The following NCAM1 variants were observed in gnomAD, a reference collection of about 807,000 sequenced individuals.
NCAM1 encodes the protein antigen recognized by monoclonal antibody 5.1H11.
NCAM1 carries 14 observed loss-of-function variants against 109.8 expected under a neutral mutation model. The ratio of observed to expected loss-of-function variants is 0.13; its 90% CI spans 0.08 to 0.20. The LOEUF (loss-of-function observed/expected upper bound fraction) is 0.20. NCAM1 is among the 10% of genes least tolerant of loss of function. The pLI is 1.00. For synonymous variants in NCAM1, 418 were observed against 442.9 expected (o/e 0.94, Z 0.70); for missense variants, 774 against 1,109.9 (o/e 0.70, Z 4.30).
At chr11:113,073,124 G>C (rs782404081) in intron 1 of NCAM1, among the ~76,000 whole-genome samples, 2 of 152,138 alleles carry the variant, frequency 1.3e-5, no homozygotes, top group Non-Finnish European at 2.9e-5. Flanking sequence ...TTTTGTGACT[G>C]ATTTATTTCA....
In NCAM1 at chr11:113,255,950, G is replaced by A; in HGVS notation, c.1902G>A (p.Lys634=). The part of the protein sequence containing the change: ...DGNSIKVNLI[K]QDDGGSPIRH... ...ACTCTATTAAAGTGAACCTGATCAAGCAGGATGACGGCGGCTCCCCCATCA... is the reference window on the plus strand; with the variant it reads ...ACTCTATTAAAGTGAACCTGATCAAACAGGATGACGGCGGCTCCCCCATCA... The change falls in exon 16 of 20, where the codon AAG becomes AAA. Residue 634 remains lysine, a synonymous_variant. Transcript: ENST00000316851. The A allele has an allele frequency of 6.2e-7, 1 of 1,608,368 alleles. No homozygotes were observed. Among genetic ancestry groups the A allele is most frequent in the South Asian group, 1.1e-5 (1 of 89,782 alleles).
At position 113,102,288 on chromosome 11, in the gene NCAM1, G is replaced by A. The variant is rs797023915; in HGVS notation, c.53-100091G>A. Among the ~76,000 whole-genome samples the A allele has an allele frequency of 6.6e-5, 10 of 152,144 alleles. No individual in the cohort carries two copies. In the South Asian group the frequency reaches 1.9e-3, roughly 28 times the overall value. On this transcript the variant is annotated intron_variant, in intron 1 of 19. Transcript: ENST00000316851. ...AAAAAATGGAGGTTATAATCCACAG[G>A]AGGACACACCTGTGCACAAATGCTT...
intron 17 of NCAM1, among the ~76,000 whole-genome samples, chr11:113,267,490 G>C (rs1555124554): frequency 6.6e-6 from 1 of 151,760 alleles, no homozygotes; most frequent in Non-Finnish European, 1.5e-5. Flanking sequence ...GAGGCCTGCA[G>C]GACAACAGAG....
intron 14 of NCAM1, chr11:113,236,301 A>G: frequency 1.9e-6 from 3 of 1,613,590 alleles, no homozygotes; most frequent in Middle Eastern, 1.6e-4. Flanking sequence ...GGAAATGCAG[A>G]TAGCCCTCCT....
intron 1 of NCAM1, among the ~76,000 whole-genome samples, chr11:113,171,019 G>T (rs1387392231): frequency 1.3e-5 from 2 of 152,150 alleles, no homozygotes; most frequent in African/African-American, 4.8e-5. Context: ...GGAAGTGCAG[G>T]GTTCAAGAGG....
At chr11:112,986,468 G>A (rs186481917) in intron 1 of NCAM1, among the ~76,000 whole-genome samples, 1 of 151,966 alleles carries the variant, frequency 6.6e-6, no homozygotes, top group African/African-American at 2.4e-5. Flanking sequence ...CTTTTTGGAA[G>A]AGTTTGAGAA....
chr11:113,180,246 C>T (rs1943290924), intron 1 of NCAM1, among the ~76,000 whole-genome samples: 1 of 152,156 alleles, frequency 6.6e-6, no homozygotes, highest in Non-Finnish European at 1.5e-5. Context: ...TGAGATATAG[C>T]CCCTGTCTGG....
Position 113,070,158 on chromosome 11 carries a change from C to T in NCAM1, c.52+108494C>T, listed in dbSNP as rs1938193883. 2.6e-5 allele frequency among the ~76,000 whole-genome samples: 4 copies of T among 152,224 alleles called. 1 individual carries two copies. The South Asian group carries it at 8.3e-4, about 32-fold the overall frequency. ...GCCTAGTGTCATTGCACGTTGATTC[C>T]TTCTCAGTCTTAAGAGCATCCTGGC... On this transcript the variant is annotated intron_variant, in intron 1 of 19. Transcript: ENST00000316851.
intron 1 of NCAM1, among the ~76,000 whole-genome samples, chr11:113,092,665 C>CT (rs1364607074): frequency 6.6e-6 from 1 of 152,112 alleles, no homozygotes; most frequent in Admixed American, 6.5e-5. Flanking sequence ...ATCTGATCAT[C>CT]TTTTTTCCAT....
chr11:113,253,009 C>G (rs533664145), intron 15 of NCAM1, among the ~76,000 whole-genome samples: 110 of 151,948 alleles, frequency 7.2e-4, no homozygotes, highest in African/African-American at 2.5e-3. Context: ...ACACACATAT[C>G]AGAGTACTGT....
intron 1 of NCAM1, among the ~76,000 whole-genome samples, chr11:113,141,402 T>A (rs565213215): frequency 2.6e-5 from 4 of 152,174 alleles, no homozygotes; most frequent in African/African-American, 7.2e-5. Flanking sequence ...GAGGCCGAGG[T>A]GGGCAGATCA....
In NCAM1 at chr11:113,260,201, T is replaced by C. The variant is rs782701226; in HGVS notation, c.2009T>C (p.Met670Thr). 6 of 1,613,866 alleles carry C rather than the reference T, an allele frequency of 3.7e-6. No homozygotes were observed. Among genetic ancestry groups the C allele is most frequent in the African/African-American group, 1.3e-5 (1 of 74,920 alleles). Residue 670 changes from methionine to threonine, a missense_variant, in exon 17 of 20, where the codon ATG (methionine) becomes ACG (threonine). Met to Thr is a moderately conservative substitution (Grantham distance 81). Coordinates refer to ENST00000316851, the MANE Select transcript of NCAM1 (RefSeq NM_181351.5). ...CTCCCGTCTGGCAGTGACCACGTCA[T>C]GCTGAAGTCCCTGGACTGGAATGCT... ...IRLPSGSDHV[M>T]LKSLDWNAEY...
At chr11:113,009,313 T>TTTTTTTGTTGTTG (rs1491179749) in intron 1 of NCAM1, among the ~76,000 whole-genome samples, 1,630 of 67,484 alleles carry the variant, frequency 0.024, 166 homozygotes, top group South Asian at 0.057. Flanking sequence ...TTTTTTCGGG[T>TTTTTTTGTTGTTG]TTTTTTTTTT....
chr11:112,966,106 TATAAC>T (rs1399898994), intron 1 of NCAM1, among the ~76,000 whole-genome samples: 5 of 152,342 alleles, frequency 3.3e-5, no homozygotes, highest in South Asian at 4.1e-4. Context: ...GTTTAGCAGT[TATAAC>T]ATATAGACTA....
chr11:113,244,122 T>C (rs1945428406), intron 14 of NCAM1, among the ~76,000 whole-genome samples: 1 of 152,156 alleles, frequency 6.6e-6, no homozygotes, highest in African/African-American at 2.4e-5. Context: ...TATTCTACAG[T>C]GTCACTCCTG....
intron 17 of NCAM1, among the ~76,000 whole-genome samples, chr11:113,268,485 G>A (rs1312298975): frequency 3.3e-5 from 5 of 152,210 alleles, no homozygotes; most frequent in African/African-American, 2.4e-5. Context: ...GTCCCAAAGG[G>A]ACTAAAAACA....
intron 1 of NCAM1, among the ~76,000 whole-genome samples, chr11:113,096,162 G>A (rs1555090390): frequency 6.6e-6 from 1 of 152,168 alleles, no homozygotes; most frequent in African/African-American, 2.4e-5. Context: ...GCTATTGACT[G>A]TGAGAGAAGT....
At chr11:113,072,843 G>A (rs1313694764) in intron 1 of NCAM1, among the ~76,000 whole-genome samples, 1 of 109,902 alleles carries the variant, frequency 9.1e-6, no homozygotes, top group Non-Finnish European at 1.9e-5. Flanking sequence ...TCATTTTTTT[G>A]ACTATGGTAA....
chr11:113,154,497 A>G (rs1446669800), intron 1 of NCAM1, among the ~76,000 whole-genome samples: 2 of 152,172 alleles, frequency 1.3e-5, no homozygotes, highest in African/African-American at 4.8e-5. Flanking sequence ...AAGCATGTGA[A>G]AGGGATTAAA....
Sources: allele counts gnomAD v4.1 joint callset (sites outside exome capture counted in the v4.1 genomes callset), GRCh38; gene constraint gnomAD v4.1.1; transcripts MANE v1.5; gene names NCBI Gene and HGNC (gene_info 2026-07-23, HGNC 2026-07-21).